The following GATM variants were observed in gnomAD, a reference collection of about 807,000 sequenced individuals.
The protein encoded by GATM is glycine amidinotransferase, mitochondrial.
Under a neutral mutation model 54.2 loss-of-function variants are expected in GATM, and 23 were observed. The observed-to-expected ratio is 0.42, with a 90% confidence interval of 0.31 to 0.60. The LOEUF is 0.60. GATM is among the 20% of genes least tolerant of loss of function. The pLI is 0.14. For missense variants in GATM, 401 were observed against 544.9 expected (o/e 0.74, Z 2.63); for synonymous variants, 168 against 183.1 (o/e 0.92, Z 0.67).
Position 45,378,300 on chromosome 15 carries a change from G to A in GATM, c.69+85C>T, listed in dbSNP as rs956137862. ...GAAAGCGAGGGAAGGTGGCGGCTCC[G>A]GGCAGGGAGCGAGCGAGTGCTCCAC... On this transcript the variant is annotated intron_variant, in intron 1 of 8. Coordinates refer to ENST00000396659, the MANE Select transcript of GATM (RefSeq NM_001482.3). The A allele has an allele frequency of 1.3e-5, 14 of 1,073,452 alleles. No homozygotes were observed. In the African/African-American group the frequency reaches 2.0e-4, roughly 15 times the overall value. The allele number at this position is 1,073,452 out of a possible 1,614,324, so 66.5% of individuals were successfully genotyped here. A position where few individuals can be genotyped will look rare whatever the true frequency, so the allele number is the denominator to read the frequency against.
At chr15:45,389,271 C>T (rs1022730140) in intron 3 of GATM, among the ~76,000 whole-genome samples, 3 of 152,188 alleles carry the variant, frequency 2.0e-5, no homozygotes, top group African/African-American at 7.2e-5. Flanking sequence ...CACAATTTAA[C>T]CTTTTTACAA....
upstream of GATM, chr15:45,378,758 C>T (rs769906186): frequency 7.6e-5 from 25 of 330,664 alleles, no homozygotes; most frequent in Non-Finnish European, 3.8e-5. Context: ...ACGTCCGGAC[C>T]CGGACCCAGA....
intron 3 of GATM, among the ~76,000 whole-genome samples, chr15:45,390,967 C>G (rs1478514719): frequency 6.6e-6 from 1 of 152,190 alleles, no homozygotes; most frequent in Non-Finnish European, 1.5e-5. Flanking sequence ...ACTGCTTGAC[C>G]ATTAACTACT....
At chr15:45,393,801 A>G (rs1340575960) in intron 3 of GATM, among the ~76,000 whole-genome samples, 2 of 152,210 alleles carry the variant, frequency 1.3e-5, no homozygotes, top group African/African-American at 4.8e-5. Flanking sequence ...TTTGAGCATC[A>G]TGTCAGCACT....
At chr15:45,401,570 G>GA (rs3840832) in intron 1 of GATM, among the ~76,000 whole-genome samples, 29 of 150,750 alleles carry the variant, frequency 1.9e-4, no homozygotes, top group Non-Finnish European at 2.5e-4. Context: ...AAAGCAGCTG[G>GA]AAAAAAAAAA....
intron 3 of GATM, among the ~76,000 whole-genome samples, chr15:45,392,528 C>T (rs1166106802): frequency 6.6e-6 from 1 of 152,172 alleles, no homozygotes; most frequent in African/African-American, 2.4e-5. Context: ...AGGATGAATC[C>T]TGAGAGCACC....
In GATM at chr15:45,369,508, T is replaced by A; in HGVS notation, c.302A>T (p.Glu101Val). The A allele has an allele frequency of 1.2e-6, 2 of 1,614,108 alleles. No homozygotes were observed. The highest frequency in any genetic ancestry group is 2.2e-5 in the South Asian group (2 of 91,072). Reference sequence around the variant, plus strand: ...CTTCTGGTAAAATGGCCAGTACTTTTCATATGTGTTGGCCTGGAAGTAGAA... The same window carrying A: ...CTTCTGGTAAAATGGCCAGTACTTTACATATGTGTTGGCCTGGAAGTAGAA... ...FTIEVKANTY[E>V]KYWPFYQKQG... is the part of the protein sequence containing the mutation. The change falls in exon 3 of 9, where the codon GAA (glutamate) becomes GTA (valine). Residue 101 changes from glutamate to valine, a missense_variant. Physicochemically the swap from Glu to Val is moderately radical, Grantham distance 121. Transcript: ENST00000396659.
upstream of GATM, chr15:45,380,358 A>C (rs911834029): frequency 6.6e-6 from 1 of 152,052 alleles, no homozygotes; most frequent in African/African-American, 2.4e-5. Context: ...TTCATAACTT[A>C]ATTCTGCCAC....
chr15:45,364,720 G>T, intron 7 of GATM, 77 bp downstream of exon 7: 1 of 1,286,352 alleles, frequency 7.8e-7, no homozygotes, highest in Non-Finnish European at 1.1e-6. Context: ...TAACATTTGG[G>T]CTGCTCTCTA....
chr15:45,362,335 A>G, intron 8 of GATM, 114 bp from the exon 9 acceptor site: 1 of 705,776 alleles, frequency 1.4e-6, no homozygotes, highest in Non-Finnish European at 2.6e-6. Flanking sequence ...AAGGATACCC[A>G]ACCCAGAATA....
Position 45,361,808 on chromosome 15 carries a change from T to C in GATM, c.*301A>G, listed in dbSNP as rs1201089735. 1 of 519,408 alleles carries C rather than the reference T, an allele frequency of 1.9e-6. No homozygotes were observed. Among genetic ancestry groups the C allele is most frequent in the Non-Finnish European group, 3.4e-6 (1 of 296,864 alleles). The allele number at this position is 519,408 out of a possible 1,614,324, so 32.2% of individuals were successfully genotyped here. A position where few individuals can be genotyped will look rare whatever the true frequency, so the allele number is the denominator to read the frequency against. On this transcript the variant is annotated 3_prime_UTR_variant, in exon 9 of 9. Coordinates refer to ENST00000396659, the MANE Select transcript of GATM (RefSeq NM_001482.3). ...AAAGAAAATTAAAAACAGAGGTAGA[T>C]GGTTAATTATTAGTGGCCAAGTTAC...
At chr15:45,390,379 G>C (rs1465034898) in intron 3 of GATM, among the ~76,000 whole-genome samples, 1 of 152,240 alleles carries the variant, frequency 6.6e-6, no homozygotes, top group East Asian at 1.9e-4. Flanking sequence ...GAAGGAGCTA[G>C]GTGACAAAAA....
chr15:45,376,933 T>A, intron 1 of GATM, 114 bp from the exon 2 acceptor site: 1 of 924,256 alleles, frequency 1.1e-6, no homozygotes, highest in Non-Finnish European at 1.7e-6. Context: ...TAAACCCCTT[T>A]AGAACAGCAT....
rs1457380631 is a variant in GATM at position 45,364,922 on chromosome 15, T to C, written c.979-62A>G. On this transcript the variant is annotated intron_variant, in intron 6 of 8. Coordinates refer to ENST00000396659, the MANE Select transcript of GATM (RefSeq NM_001482.3). ...CTACATATACTATTATTATTATTAG[T>C]CTCTAATAGCCCTTATCAGTAATAA... 5 of 1,279,420 alleles carry C rather than the reference T, an allele frequency of 3.9e-6. No homozygotes were observed. The East Asian group carries it at 7.1e-5, about 18-fold the overall frequency. 79.3% of individuals were successfully genotyped at this position (1,279,420 alleles called of 1,614,324 possible).
chr15:45,379,078 C>A (rs969447413), upstream of GATM: 1 of 152,126 alleles, frequency 6.6e-6, no homozygotes, highest in African/African-American at 2.4e-5. Flanking sequence ...TCCAGTACCC[C>A]GTCGGTTGTT....
chr15:45,362,323 T>C, intron 8 of GATM, 102 bp from the exon 9 acceptor site: 1 of 742,852 alleles, frequency 1.3e-6, no homozygotes, highest in Non-Finnish European at 2.4e-6. Flanking sequence ...GTTCTAATCC[T>C]TAAGGATACC....
chr15:45,369,848 A>C (rs765355215), intron 2 of GATM: 33 of 352,712 alleles, frequency 9.4e-5, no homozygotes, highest in Non-Finnish European at 1.5e-4. Flanking sequence ...CTTTGCAGAC[A>C]AAACAGGACA....
chr15:45,361,990 T>C lies in GATM; in HGVS notation c.*119A>G. On this transcript the variant is annotated 3_prime_UTR_variant, in exon 9 of 9. Transcript: ENST00000396659. ...AAGCAAACCAGGCTTACGACCCCTG[T>C]TAAGGAGATGATTGTTTAAAGCACT... 1 of 719,804 alleles carries C rather than the reference T, an allele frequency of 1.4e-6. No homozygotes were observed. Among genetic ancestry groups the C allele is most frequent in the Non-Finnish European group, 2.5e-6 (1 of 394,322 alleles). 44.6% of individuals were successfully genotyped at this position (719,804 alleles called of 1,614,324 possible). A position where few individuals can be genotyped will look rare whatever the true frequency, so the allele number is the denominator to read the frequency against.
At chr15:45,389,989 A>G (rs1889851447) in intron 3 of GATM, among the ~76,000 whole-genome samples, 1 of 151,880 alleles carries the variant, frequency 6.6e-6, no homozygotes, top group African/African-American at 2.4e-5. Flanking sequence ...CCTCCCGAAT[A>G]GCTGGGACTA....
Sources: allele counts gnomAD v4.1 joint callset (sites outside exome capture counted in the v4.1 genomes callset), GRCh38; gene constraint gnomAD v4.1.1; transcripts MANE v1.5; gene names NCBI Gene and HGNC (gene_info 2026-07-23, HGNC 2026-07-21).